The following EXTL3 variants were observed in gnomAD, a reference collection of about 807,000 sequenced individuals.
EXTL3 encodes exostosin-like 3.
In EXTL3, 27 loss-of-function variants were observed where a neutral mutation model predicts 69.3. That is an observed-to-expected ratio of 0.39 (90% CI 0.29 to 0.54). The LOEUF (loss-of-function observed/expected upper bound fraction) is 0.54. EXTL3 is among the 20% of genes least tolerant of loss of function. The pLI is 0.69. For missense variants in EXTL3, 1,003 were observed against 1,231.8 expected, an observed-to-expected ratio of 0.81 and a Z score of 2.78; for synonymous variants, 511 against 499.4, an observed-to-expected ratio of 1.02 and a Z score of -0.31.
At chr8:28,678,041 C>G (rs1807416460) in intron 1 of EXTL3, 1 of 152,276 alleles carries the variant, frequency 6.6e-6, no homozygotes, top group South Asian at 2.1e-4. Flanking sequence ...CCAAAACAGG[C>G]TTCTCATTTC....
At chr8:28,647,419 G>A (rs1806850315) in intron 1 of EXTL3, among the ~76,000 whole-genome samples, 1 of 152,152 alleles carries the variant, frequency 6.6e-6, no homozygotes, top group Admixed American at 6.5e-5. Flanking sequence ...CAGCCACTGT[G>A]TGGAATGATT....
chr8:28,645,738 A>G (rs1469870614), intron 1 of EXTL3, among the ~76,000 whole-genome samples: 2 of 151,302 alleles, frequency 1.3e-5, no homozygotes, highest in African/African-American at 4.9e-5. Context: ...TATGTTTCCC[A>G]GGCTGGTCTC....
In EXTL3 at chr8:28,623,332, C is replaced by A. The variant is rs1453993143; in HGVS notation, c.-53+522C>A. ...CCAAACACACCTACCCCAGAGGACA[C>A]CACAGAATGCGGACCCCAAAGCCAG... is the stretch of plus-strand genomic sequence containing the variant. On this transcript the variant is annotated intron_variant, in intron 1 of 6. Coordinates refer to the EXTL3 transcript ENST00000523149. This position sits in a 1 kb window ranked among gnomAD's most constrained non-coding sequence, Gnocchi z 4.2. Among the ~76,000 whole-genome samples the A allele has an allele frequency of 2.0e-5, 3 of 152,318 alleles. No homozygotes were observed. The highest frequency in any genetic ancestry group is 1.3e-4 in the Admixed American group (2 of 15,294).
chr8:28,732,979 G>A (rs889462752), intron 4 of EXTL3, among the ~76,000 whole-genome samples: 1 of 152,186 alleles, frequency 6.6e-6, no homozygotes, highest in African/African-American at 2.4e-5. Flanking sequence ...CAACCTGCCC[G>A]CCTCGGCCTC....
intron 1 of EXTL3, among the ~76,000 whole-genome samples, chr8:28,681,152 C>T (rs1160004621): frequency 1.3e-5 from 2 of 151,834 alleles, no homozygotes; most frequent in African/African-American, 2.4e-5. Flanking sequence ...GGGATACAGG[C>T]GTGAGCCACT....
At chr8:28,655,961 T>C (rs796356136) in intron 1 of EXTL3, among the ~76,000 whole-genome samples, 1 of 152,048 alleles carries the variant, frequency 6.6e-6, no homozygotes, top group African/African-American at 2.4e-5. Flanking sequence ...TTAGAAATAA[T>C]AGGAGTTAGT....
intron 1 of EXTL3, among the ~76,000 whole-genome samples, chr8:28,643,088 A>C (rs1400869503): frequency 1.3e-5 from 2 of 152,100 alleles, no homozygotes; most frequent in African/African-American, 4.8e-5. Context: ...TACTAAAAAG[A>C]CAAAAATTAG....
intron 1 of EXTL3, among the ~76,000 whole-genome samples, chr8:28,665,696 C>G (rs1181752529): frequency 6.6e-6 from 1 of 152,180 alleles, no homozygotes; most frequent in Non-Finnish European, 1.5e-5. Flanking sequence ...GCATGAGCCA[C>G]TGTGCCTGTC....
At chr8:28,618,767 A>G (rs1806361596), upstream of EXTL3, among the ~76,000 whole-genome samples, 1 of 151,924 alleles carries the variant, frequency 6.6e-6, no homozygotes. Context: ...AGCGGCCCCT[A>G]GTGCCCCTAA....
chr8:28,718,835 A>G (rs1373704004), intron 3 of EXTL3, among the ~76,000 whole-genome samples: 1 of 152,214 alleles, frequency 6.6e-6, no homozygotes, highest in Non-Finnish European at 1.5e-5. Flanking sequence ...TGAACCTTCC[A>G]GGGTGTCTTG....
rs67403576 is a variant in EXTL3 at position 28,625,997 on chromosome 8, C to CAAAAAAAA, written c.-53+3208_-53+3215dup. ...GCAATATAGTGAGACCACATTTCTC[C>CAAAAAAAA]AAAAAAAAAAAAAAAAAAAAAAAAA... On this transcript the variant is annotated intron_variant, in intron 1 of 6. Coordinates refer to the EXTL3 transcript ENST00000523149. 7.3e-5 allele frequency among the ~76,000 whole-genome samples: 3 copies of CAAAAAAAA among 41,128 alleles called. 1 individual carries two copies. The highest frequency in any genetic ancestry group is 3.7e-4 in the African/African-American group (3 of 8,138). 27.0% of individuals were successfully genotyped at this position (41,128 alleles called of 152,430 possible).
intron 1 of EXTL3, among the ~76,000 whole-genome samples, chr8:28,670,298 C>G (rs186514059): frequency 4.5e-4 from 68 of 151,110 alleles, no homozygotes; most frequent in African/African-American, 1.5e-3. Flanking sequence ...ATTAAGGCAG[C>G]AAACAGTGAT....
At chr8:28,729,595 CAAAAAAAAAAAAAAA>C (rs567929424) in intron 3 of EXTL3, among the ~76,000 whole-genome samples, 4 of 33,236 alleles carry the variant, frequency 1.2e-4, no homozygotes, top group Admixed American at 5.1e-4. Context: ...GACTCCATCT[CAAAAAAAAAAAAAAA>C]AAAAAAAAAA....
chr8:28,660,504 A>G (rs1807090626), intron 1 of EXTL3, among the ~76,000 whole-genome samples: 1 of 152,190 alleles, frequency 6.6e-6, no homozygotes, highest in Non-Finnish European at 1.5e-5. Flanking sequence ...AGACATATAT[A>G]TATACACATA....
chr8:28,720,582 A>C (rs1252345253), intron 3 of EXTL3, among the ~76,000 whole-genome samples: 1 of 152,132 alleles, frequency 6.6e-6, no homozygotes, highest in African/African-American at 2.4e-5. Flanking sequence ...TCTAGCTTAG[A>C]GTGAAGGTGA....
rs147630101 is a variant in EXTL3 at position 28,716,943 on chromosome 8, G to A, written c.884G>A (p.Arg295His). ...CTTCTCTATAACGTCAGTACTGGCCGTGCCATGGTGGCCCAGTCCACCTTC... is the reference window on the plus strand; with the variant it reads ...CTTCTCTATAACGTCAGTACTGGCCATGCCATGGTGGCCCAGTCCACCTTC... The part of the protein sequence containing the change: ...QNLLYNVSTG[R>H]AMVAQSTFYT... The change falls in exon 3 of 7, where the codon CGT becomes CAT. Residue 295 changes from arginine (R) to histidine (H), a missense_variant. Transcript: ENST00000220562. The surrounding 1 kb of genome is among the most constrained non-coding windows in gnomAD (Gnocchi z 7.1). The A allele has an allele frequency of 8.7e-6, 14 of 1,614,170 alleles. No individual in the cohort carries two copies. The highest frequency in any genetic ancestry group is 5.5e-5 in the South Asian group (5 of 91,086).
At chr8:28,663,720 G>A (rs989973182) in intron 1 of EXTL3, among the ~76,000 whole-genome samples, 1 of 152,134 alleles carries the variant, frequency 6.6e-6, no homozygotes, top group African/African-American at 2.4e-5. Flanking sequence ...CCAAAGTGCT[G>A]GAATTACAGG....
At chr8:28,608,851 T>C (rs2130527031) in intron 2 of EXTL3, among the ~76,000 whole-genome samples, 1 of 152,168 alleles carries the variant, frequency 6.6e-6, no homozygotes, top group South Asian at 2.1e-4. Context: ...AGAGCAAGAC[T>C]GTGTCTCAAA....
chr8:28,619,834 G>A (rs573135772), upstream of EXTL3, among the ~76,000 whole-genome samples: 18 of 131,478 alleles, frequency 1.4e-4, no homozygotes, highest in East Asian at 4.7e-3. Context: ...CCGCCGACAG[G>A]GCTTCTGGTT....
Sources: gnomAD v4.1 joint callset for allele counts (sites outside exome capture counted in the v4.1 genomes callset) on GRCh38, gnomAD v4.1.1 for gene constraint, Gnocchi (gnomAD v3.1) non-coding constraint, MANE v1.5 for transcripts, NCBI Gene and HGNC (gene_info 2026-07-23, HGNC 2026-07-21) for gene names.